Variants in TNIP3 observed in about 807,000 individuals in gnomAD.
TNIP3 encodes TNFAIP3 interacting protein 3.
A neutral mutation model predicts 54.1 loss-of-function variants in TNIP3; 34 were observed. The observed-to-expected ratio is 0.63, with a 90% CI of 0.48 to 0.84. The LOEUF (loss-of-function observed/expected upper bound fraction) is 0.84. Among genes scored for constraint, TNIP3 ranks in the 40% least tolerant of loss-of-function variants. TNIP3 has a pLI of 0.00. For synonymous variants in TNIP3, 134 were observed against 136.8 expected (o/e 0.98, Z 0.14); for missense variants, 366 against 387.6 (o/e 0.94, Z 0.47).
At chr4:121,146,986 A>T (rs1002930059) in intron 7 of TNIP3, 63 bp downstream of exon 7, 30 of 1,546,028 alleles carry the variant, frequency 1.9e-5, no homozygotes, top group African/African-American at 2.8e-5. Context: ...AACGTCTTGA[A>T]TTTTTTTAAA....
At chr4:121,217,137 CA>C (rs1455878750), upstream of TNIP3, among the ~76,000 whole-genome samples, 1 of 152,154 alleles carries the variant, frequency 6.6e-6, no homozygotes. Context: ...AAATATTATA[CA>C]GACTACATAG....
rs78667475 is a variant in TNIP3, at chr4:121,173,204, G to A, written c.190-9058C>T. Among the ~76,000 whole-genome samples, 13 of 152,306 alleles carry A rather than the reference G, an allele frequency of 8.5e-5. No individual in the cohort carries two copies. The East Asian group carries it at 2.5e-3, about 29-fold the overall frequency. On this transcript the variant is annotated intron_variant, in intron 3 of 12. Coordinates refer to the TNIP3 transcript ENST00000507879. ...GACATCATTTACCAATGATGGAAAAGCATCGCAGGAGCCTAAGTCATTAGG... is the reference window on the plus strand; with the variant it reads ...GACATCATTTACCAATGATGGAAAAACATCGCAGGAGCCTAAGTCATTAGG...
intron 2 of TNIP3, among the ~76,000 whole-genome samples, chr4:121,200,730 TTTG>T (rs1374558450): frequency 3.3e-5 from 5 of 152,178 alleles, no homozygotes; most frequent in Admixed American, 6.5e-5. Context: ...CAACAGATTC[TTTG>T]TTGTTGTTTA....
intron 2 of TNIP3, among the ~76,000 whole-genome samples, chr4:121,184,390 T>A (rs1442009380): frequency 6.6e-6 from 1 of 152,236 alleles, no homozygotes; most frequent in East Asian, 1.9e-4. Flanking sequence ...TTTCCATTGA[T>A]ATGACTTGAA....
At chr4:121,187,357 G>A (rs1371707256) in intron 2 of TNIP3, among the ~76,000 whole-genome samples, 3 of 152,120 alleles carry the variant, frequency 2.0e-5, no homozygotes, top group Non-Finnish European at 4.4e-5. Flanking sequence ...TCTGCTCTGG[G>A]CCCTACCTCT....
chr4:121,219,926 A>G (rs939019481), upstream of TNIP3, among the ~76,000 whole-genome samples: 2 of 152,182 alleles, frequency 1.3e-5, no homozygotes, highest in Non-Finnish European at 2.9e-5. Context: ...GTTTCATTTC[A>G]CTATCTTTAC....
intron 2 of TNIP3, among the ~76,000 whole-genome samples, chr4:121,213,909 A>G (rs1249192050): frequency 6.6e-6 from 1 of 152,152 alleles, no homozygotes; most frequent in Non-Finnish European, 1.5e-5. Context: ...ATACTTCAAA[A>G]CTGTGTTAAA....
chr4:121,155,528 C>G (rs1473206131), intron 4 of TNIP3, among the ~76,000 whole-genome samples: 1 of 152,082 alleles, frequency 6.6e-6, no homozygotes. Context: ...TAGAAATCAA[C>G]TAGTCCAACT....
intron 2 of TNIP3, among the ~76,000 whole-genome samples, chr4:121,209,530 A>G (rs1343552957): frequency 6.6e-6 from 1 of 152,204 alleles, no homozygotes; most frequent in East Asian, 1.9e-4. Context: ...CACACTGGGT[A>G]TAATGGATGC....
At chr4:121,186,054 G>GT in intron 2 of TNIP3, among the ~76,000 whole-genome samples, 1 of 152,296 alleles carries the variant, frequency 6.6e-6, no homozygotes, top group South Asian at 2.1e-4. Context: ...TTCAGCACAC[G>GT]TCCCTCAGGA....
intron 2 of TNIP3, among the ~76,000 whole-genome samples, chr4:121,203,216 TATAGATAGATAGATAGATAG>T (rs148903658): frequency 4.1e-5 from 6 of 146,964 alleles, no homozygotes; most frequent in African/African-American, 1.0e-4. Context: ...GAAAATGTGA[TATAGATAGATAGATAGATAG>T]ATAGATAGAT....
intron 5 of TNIP3, among the ~76,000 whole-genome samples, chr4:121,151,026 A>T: frequency 6.6e-6 from 1 of 152,348 alleles, no homozygotes; most frequent in Middle Eastern, 3.4e-3. Context: ...CATGATGGGC[A>T]TATCATTACA....
At chr4:121,184,195 A>G (rs1368855052) in intron 2 of TNIP3, among the ~76,000 whole-genome samples, 17 of 152,102 alleles carry the variant, frequency 1.1e-4, no homozygotes, top group African/African-American at 3.9e-4. Context: ...CACCCCCTGA[A>G]AATAACCTCT....
upstream of TNIP3, among the ~76,000 whole-genome samples, chr4:121,217,378 G>A (rs1394647474): frequency 6.6e-6 from 1 of 151,976 alleles, no homozygotes; most frequent in Non-Finnish European, 1.5e-5. Context: ...AAAAAAAAAA[G>A]TTTGTTAAAA....
intron 9 of TNIP3, among the ~76,000 whole-genome samples, chr4:121,138,970 G>C (rs1287816847): frequency 6.6e-6 from 1 of 152,014 alleles, no homozygotes; most frequent in African/African-American, 2.4e-5. Context: ...AATATCTGCA[G>C]AAGTATAAAC....
At chr4:121,182,403 C>A (rs1724763599) in intron 3 of TNIP3, among the ~76,000 whole-genome samples, 1 of 152,210 alleles carries the variant, frequency 6.6e-6, no homozygotes, top group Non-Finnish European at 1.5e-5. Flanking sequence ...AACATTCTTT[C>A]TAGTAGCATG....
At chr4:121,172,740 A>C (rs563413316) in intron 3 of TNIP3, among the ~76,000 whole-genome samples, 1 of 152,342 alleles carries the variant, frequency 6.6e-6, no homozygotes, top group African/African-American at 2.4e-5. Flanking sequence ...CATTATGTGT[A>C]GGGACAGGGG....
intron 1 of TNIP3, among the ~76,000 whole-genome samples, chr4:121,226,239 A>AAG (rs541995255): frequency 1.5e-4 from 23 of 150,028 alleles, no homozygotes; most frequent in African/African-American, 4.6e-4. Context: ...ACACATAGGA[A>AAG]AGAGAGAGAG....
At chr4:121,224,383 A>G (rs1480995902) in intron 1 of TNIP3, among the ~76,000 whole-genome samples, 2 of 151,582 alleles carry the variant, frequency 1.3e-5, no homozygotes, top group African/African-American at 4.9e-5. Context: ...AAGAAAAAAG[A>G]AAAAAGAAAA....
Sources: gnomAD v4.1 joint callset for allele counts (sites outside exome capture counted in the v4.1 genomes callset) on GRCh38, gnomAD v4.1.1 for gene constraint, MANE v1.5 for transcripts, NCBI Gene and HGNC (gene_info 2026-07-23, HGNC 2026-07-21) for gene names.